The following SYNE2 variants were observed in gnomAD, a reference collection of about 807,000 sequenced individuals.
SYNE2 encodes nesprin-2.
SYNE2 carries 431 observed loss-of-function variants against 856.3 expected under a neutral mutation model. The observed-to-expected ratio is 0.50, with a 90% CI of 0.47 to 0.55. The LOEUF is 0.55. Ranked by LOEUF, SYNE2 falls within the 20% of genes least tolerant of loss-of-function variation. The pLI is 0.00. For missense variants in SYNE2, 8,129 were observed against 8,023.2 expected (o/e 1.01, Z -0.50); for synonymous variants, 2,923 against 2,872.3 (o/e 1.02, Z -0.56).
chr14:64,020,238 G>T, intron 35 of SYNE2, 145 bp downstream of exon 35: 2 of 649,324 alleles, frequency 3.1e-6, no homozygotes, highest in South Asian at 1.8e-5. Context: ...CTATAACAGG[G>T]GTGTCCTGTC....
chr14:64,143,853 G>C lies in SYNE2; in HGVS notation c.15388G>C (p.Val5130Leu). Residue 5130 changes from valine to leucine, a missense_variant, in exon 83 of 116, where the codon GTA (valine) becomes CTA (leucine). Around this residue, in one of 3 missense-constraint regions of SYNE2, gnomAD observed 5,410 missense variants for 5,284.8 expected, o/e 1.02. Transcript: ENST00000555002. ...ATTACTTCAGCTAAGCACCTGTGAT[G>C]TAGAAAGCAAGCGCTATGAAAGAAC... ...QSLLQLSTCD[V>L]ESKRYERTEF... 6.2e-7 allele frequency: 1 copy of C among 1,614,216 alleles called. No individual in the cohort carries two copies. Among genetic ancestry groups the C allele is most frequent in the South Asian group, 1.1e-5 (1 of 91,090 alleles).
intron 34 of SYNE2, among the ~76,000 whole-genome samples, chr14:64,018,385 C>T (rs1446742075): frequency 3.3e-5 from 5 of 152,104 alleles, no homozygotes; most frequent in African/African-American, 9.7e-5. Flanking sequence ...GGATTACAGG[C>T]GCACACCACC....
At chr14:64,005,553 G>A (rs780556636) in intron 30 of SYNE2, among the ~76,000 whole-genome samples, 1 of 152,186 alleles carries the variant, frequency 6.6e-6, no homozygotes, top group Admixed American at 6.5e-5. Context: ...AGTAAGAACC[G>A]AGTTACCATT....
intron 1 of SYNE2, among the ~76,000 whole-genome samples, chr14:63,861,618 C>A (rs371559093): frequency 4.9e-5 from 2 of 41,194 alleles, no homozygotes; most frequent in African/African-American, 3.0e-4. Context: ...TAGTGAGACC[C>A]CAATCTCAAA....
At chr14:64,219,096 G>GTTTTTTTCTTT in intron 109 of SYNE2, 112 bp from the exon 110 acceptor site, 1 of 758,460 alleles carries the variant, frequency 1.3e-6, no homozygotes. Flanking sequence ...ATCCCCTACA[G>GTTTTTTTCTTT]TTTTTTTGTT....
intron 63 of SYNE2, among the ~76,000 whole-genome samples, chr14:64,101,507 A>G (rs1490797168): frequency 6.6e-6 from 1 of 152,162 alleles, no homozygotes; most frequent in Non-Finnish European, 1.5e-5. Context: ...GCTAGAGTGC[A>G]GTGGTTCTCA....
intron 32 of SYNE2, among the ~76,000 whole-genome samples, chr14:64,012,110 G>A (rs997688494): frequency 2.0e-5 from 3 of 152,138 alleles, no homozygotes; most frequent in Admixed American, 1.3e-4. Context: ...TCTGTTTGTG[G>A]CTGTGTTTCT....
At chr14:63,761,882 G>A (rs955134305), upstream of SYNE2, 5 of 216,892 alleles carry the variant, frequency 2.3e-5, no homozygotes, top group South Asian at 3.0e-4. Context: ...AAACCAGCCC[G>A]AGCGGCGGCG....
At chr14:63,941,592 A>G (rs1264763024) in intron 3 of SYNE2, 103 bp from the exon 4 acceptor site, 3 of 905,846 alleles carry the variant, frequency 3.3e-6, no homozygotes, top group Admixed American at 1.9e-5. Flanking sequence ...GAAGAAAGTC[A>G]TTACTGAATT....
chr14:63,908,229 A>G (rs1258919840), intron 1 of SYNE2, among the ~76,000 whole-genome samples: 1 of 152,184 alleles, frequency 6.6e-6, no homozygotes, highest in African/African-American at 2.4e-5. Context: ...GTGAATACCT[A>G]TAGGGTCAAC....
intron 78 of SYNE2, among the ~76,000 whole-genome samples, chr14:64,134,741 CCAAGG>C (rs1457788316): frequency 6.6e-6 from 1 of 152,014 alleles, no homozygotes; most frequent in African/African-American, 2.4e-5. Flanking sequence ...CTTTGGGAGG[CCAAGG>C]CAGGTGGATT....
intron 44 of SYNE2, 58 bp from the exon 45 acceptor site, chr14:64,030,958 G>A: frequency 7.7e-7 from 1 of 1,303,026 alleles, no homozygotes; most frequent in South Asian, 1.2e-5. Context: ...ATTTACAAAA[G>A]TCAATTAACT....
chr14:64,072,485 T>C (rs888818402), intron 52 of SYNE2, among the ~76,000 whole-genome samples: 1 of 144,892 alleles, frequency 6.9e-6, no homozygotes, highest in African/African-American at 2.5e-5. Flanking sequence ...CAGTAGTAGG[T>C]TGCTACCTAT....
intron 62 of SYNE2, 104 bp downstream of exon 62, chr14:64,098,250 A>G (rs1240306439): frequency 2.4e-6 from 3 of 1,264,112 alleles, no homozygotes; most frequent in South Asian, 2.5e-5. Context: ...TATGGCCTGT[A>G]GTAAAGGAAT....
At chr14:64,130,939 G>C (rs994446167) in intron 76 of SYNE2, among the ~76,000 whole-genome samples, 3 of 150,594 alleles carry the variant, frequency 2.0e-5, no homozygotes, top group Non-Finnish European at 4.4e-5. Flanking sequence ...CAAAAGGAAA[G>C]TGTGTTATTA....
chr14:63,791,779 TA>T (rs202098008), intron 1 of SYNE2, among the ~76,000 whole-genome samples: 1 of 151,672 alleles, frequency 6.6e-6, no homozygotes, highest in Non-Finnish European at 1.5e-5. Context: ...TCGTCTCTAC[TA>T]AAAAATACAA....
At chr14:64,094,759 G>GTC (rs1416846111) in intron 61 of SYNE2, among the ~76,000 whole-genome samples, 8 of 152,016 alleles carry the variant, frequency 5.3e-5, no homozygotes, top group African/African-American at 7.2e-5. Context: ...ACCCCAGAGA[G>GTC]CTTTTGTTTA....
chr14:63,995,348 C>T lies in SYNE2; in HGVS notation c.2940+146C>T, dbSNP rs8017849. The T allele has an allele frequency of 1.0e-2, 6,271 of 629,486 alleles. 323 individuals carry two copies. In the African/African-American group the frequency reaches 0.1, roughly 10 times the overall value. 39.0% of individuals were successfully genotyped at this position (629,486 alleles called of 1,614,324 possible). A position where few individuals can be genotyped will look rare whatever the true frequency, so the allele number is the denominator to read the frequency against. On this transcript the variant is annotated intron_variant, in intron 23 of 115. Transcript: ENST00000555002. ...CGGGGATGATCACTTCTTTGCTTCACACTCGCAGCAGAGCCTGTACTTCTT... is the reference window on the plus strand; with the variant it reads ...CGGGGATGATCACTTCTTTGCTTCATACTCGCAGCAGAGCCTGTACTTCTT...
chr14:63,878,852 C>T (rs571398002), intron 1 of SYNE2, among the ~76,000 whole-genome samples: 3 of 152,048 alleles, frequency 2.0e-5, no homozygotes, highest in Non-Finnish European at 2.9e-5. Context: ...GCTTGAAGCC[C>T]GTTTTAAAAG....
Sources: gnomAD v4.1 joint callset for allele counts (sites outside exome capture counted in the v4.1 genomes callset) on GRCh38, gnomAD v4.1.1 for gene constraint, gnomAD v4.1.1 regional missense constraint, MANE v1.5 for transcripts, NCBI Gene and HGNC (gene_info 2026-07-23, HGNC 2026-07-21) for gene names.